The following NMBR variants were observed in gnomAD, a reference collection of about 807,000 sequenced individuals.
The protein encoded by NMBR is neuromedin B receptor.
NMBR carries 16 observed loss-of-function variants against 20.5 expected under a neutral mutation model. That is an observed-to-expected ratio of 0.78 (90% CI 0.53 to 1.19). The LOEUF (loss-of-function observed/expected upper bound fraction) is 1.19, where lower values mean the gene tolerates loss of function less well. Among genes scored for constraint, NMBR ranks in the 50% most tolerant of loss-of-function variants. NMBR has a pLI of 0.00. For missense variants in NMBR, 582 were observed against 499.1 expected (o/e 1.17, Z -1.58); for synonymous variants, 212 against 196.6 (o/e 1.08, Z -0.65).
rs3765443 is a variant in NMBR, at chr6:142,147,072, C to A, written c.-692G>T. On this transcript the variant is annotated 5_prime_UTR_variant, in exon 1 of 4. The change abolishes an upstream ATG in the 5' untranslated region. Coordinates refer to ENST00000258042, the MANE Select transcript of NMBR (RefSeq NM_002511.4). Reference sequence around the variant, plus strand: ...CAGAGAGCGCTAGCGCCATGCGCGGCATAAGCGCCAAAATGCTCGGGTCTT... The same window carrying A: ...CAGAGAGCGCTAGCGCCATGCGCGGAATAAGCGCCAAAATGCTCGGGTCTT... 2 of 567,750 alleles carry A rather than the reference C, an allele frequency of 3.5e-6. No homozygotes were observed. Among genetic ancestry groups the A allele is most frequent in the Non-Finnish European group, 3.2e-6 (1 of 315,718 alleles). 35.2% of individuals were successfully genotyped at this position (567,750 alleles called of 1,614,324 possible).
At chr6:142,079,339 G>C (rs1777045969) in intron 2 of NMBR, among the ~76,000 whole-genome samples, 2 of 151,990 alleles carry the variant, frequency 1.3e-5, no homozygotes, top group Admixed American at 1.3e-4. Flanking sequence ...TAAGGTTCCT[G>C]GTGTCTCTCA....
At chr6:142,083,463 T>C (rs1032073529) in intron 2 of NMBR, among the ~76,000 whole-genome samples, 38 of 152,290 alleles carry the variant, frequency 2.5e-4, no homozygotes, top group Middle Eastern at 6.8e-3. Context: ...TTTGTATCCT[T>C]ATTTTTAAGC....
rs142731902 is a variant in NMBR at position 142,136,964 on chromosome 6, G to T, written c.-664+10080C>A. Among the ~76,000 whole-genome samples, 1,289 of 152,276 alleles carry T rather than the reference G, an allele frequency of 8.5e-3. 14 individuals carry two copies. The highest frequency in any genetic ancestry group is 0.029 in the African/African-American group (1,208 of 41,538). On this transcript the variant is annotated intron_variant, in intron 1 of 3. Transcript: ENST00000258042. Reference sequence around the variant, plus strand: ...AGCTTTGTTCTTTTGGCTTAGGATTGACTTGGTGATGTGGGCTCTTTTTTG... The same window carrying T: ...AGCTTTGTTCTTTTGGCTTAGGATTTACTTGGTGATGTGGGCTCTTTTTTG...
intron 1 of NMBR, among the ~76,000 whole-genome samples, chr6:142,098,355 T>A (rs1238430485): frequency 6.6e-6 from 1 of 152,088 alleles, no homozygotes; most frequent in African/African-American, 2.4e-5. Context: ...GAAAAAGACA[T>A]AGGGTGATAT....
At chr6:142,129,460 T>G (rs928944932) in intron 1 of NMBR, among the ~76,000 whole-genome samples, 4 of 152,074 alleles carry the variant, frequency 2.6e-5, no homozygotes, top group African/African-American at 9.7e-5. Flanking sequence ...AATGATTAAA[T>G]TAACTAACAG....
chr6:142,103,032 G>T (rs923831498), intron 1 of NMBR, among the ~76,000 whole-genome samples: 7 of 152,170 alleles, frequency 4.6e-5, no homozygotes, highest in African/African-American at 1.7e-4. Flanking sequence ...CCTTAAGGTT[G>T]TAAATGGGTG....
chr6:142,142,810 C>A (rs953950187), intron 1 of NMBR, among the ~76,000 whole-genome samples: 1 of 152,036 alleles, frequency 6.6e-6, no homozygotes, highest in African/African-American at 2.4e-5. Flanking sequence ...ATAGGCCAAG[C>A]ACTGTGGTTC....
intron 2 of NMBR, among the ~76,000 whole-genome samples, chr6:142,082,372 T>C (rs538553271): frequency 5.3e-5 from 8 of 152,158 alleles, no homozygotes; most frequent in African/African-American, 1.7e-4. Context: ...TTAGGAGCAA[T>C]TGTGGTAAAG....
At chr6:142,102,030 C>T (rs1048893938) in intron 1 of NMBR, among the ~76,000 whole-genome samples, 1 of 152,130 alleles carries the variant, frequency 6.6e-6, no homozygotes, top group African/African-American at 2.4e-5. Context: ...TTGGAGTGTG[C>T]TCCTTAGCCA....
chr6:142,135,025 T>C, intron 1 of NMBR: 1 of 443,842 alleles, frequency 2.3e-6, no homozygotes, highest in Non-Finnish European at 4.0e-6. Flanking sequence ...TCAATGTGTC[T>C]GAAATTTTTG....
At chr6:142,105,800 C>T (rs1258775707) in intron 1 of NMBR, among the ~76,000 whole-genome samples, 2 of 152,050 alleles carry the variant, frequency 1.3e-5, no homozygotes, top group African/African-American at 4.8e-5. Context: ...TGTTTTATAT[C>T]ACCATTTGTA....
chr6:142,078,728 G>T lies in NMBR; in HGVS notation c.598C>A (p.Pro200Thr). 1 of 1,613,940 alleles carries T rather than the reference G, an allele frequency of 6.2e-7. No homozygotes were observed. The highest frequency in any genetic ancestry group is 2.2e-5 in the East Asian group (1 of 44,854). The change falls in exon 3 of 4, where the codon CCA (proline) becomes ACA (threonine). Residue 200 changes from proline to threonine, a missense_variant. Transcript: ENST00000258042. ...TGTAATTCATCTGTTTGAGGGTATG[G>T]GATACATGCTGTGAAGCTGCTATTA... ...LDNSSFTACI[P>T]YPQTDELHPK...
intron 2 of NMBR, among the ~76,000 whole-genome samples, chr6:142,086,827 GC>G: frequency 6.6e-6 from 1 of 152,292 alleles, no homozygotes; most frequent in Non-Finnish European, 1.5e-5. Flanking sequence ...CCTGGGTCTT[GC>G]TACCAATGCC....
chr6:142,146,936 C>T (rs966103980), intron 1 of NMBR, among the ~76,000 whole-genome samples, 108 bp downstream of exon 1: 1 of 152,204 alleles, frequency 6.6e-6, no homozygotes, highest in African/African-American at 2.4e-5. Flanking sequence ...TATACTTTCT[C>T]CCAGTCAACA....
intron 1 of NMBR, among the ~76,000 whole-genome samples, chr6:142,139,953 T>C (rs192860309): frequency 3.3e-5 from 5 of 152,318 alleles, no homozygotes; most frequent in Admixed American, 1.3e-4. Flanking sequence ...TAAAAAGCTC[T>C]TTGGTGAAAT....
rs970184172 is a variant in NMBR, at chr6:142,097,019, T to G, written c.-663-7698A>C. Among the ~76,000 whole-genome samples, 9 of 152,274 alleles carry G rather than the reference T, an allele frequency of 5.9e-5. No homozygotes were observed. The East Asian group carries it at 1.4e-3, about 23-fold the overall frequency. ...CCCCTGCCTTTTTTTGTTTTCCATT[T>G]GCTTGGTAGATCTTCCACCATCCCT... On this transcript the variant is annotated intron_variant, in intron 1 of 3. Transcript: ENST00000258042.
chr6:142,101,298 A>G (rs1435447016), intron 1 of NMBR, among the ~76,000 whole-genome samples: 1 of 152,218 alleles, frequency 6.6e-6, no homozygotes, highest in East Asian at 1.9e-4. Flanking sequence ...CCTTTATGTC[A>G]ACCTTAAAAT....
At chr6:142,130,379 G>A (rs561966096) in intron 1 of NMBR, among the ~76,000 whole-genome samples, 1 of 152,034 alleles carries the variant, frequency 6.6e-6, no homozygotes, top group South Asian at 2.1e-4. Flanking sequence ...TAGGGTAAAA[G>A]TCAAATTAAT....
intron 1 of NMBR, among the ~76,000 whole-genome samples, chr6:142,097,524 G>A (rs144382522): frequency 0.014 from 2,140 of 152,144 alleles, 46 homozygotes; most frequent in South Asian, 0.068. Flanking sequence ...AATGCTCCTC[G>A]ACTTAGGATG....
Sources: allele counts gnomAD v4.1 joint callset (sites outside exome capture counted in the v4.1 genomes callset), GRCh38; gene constraint gnomAD v4.1.1; transcripts MANE v1.5; gene names NCBI Gene and HGNC (gene_info 2026-07-23, HGNC 2026-07-21).